DOCK6: variants seen among roughly 807,000 people sequenced by gnomAD.
The protein encoded by DOCK6 is dedicator of cytokinesis 6, also known as dedicator of cytokinesis protein 6.
DOCK6 carries 167 observed loss-of-function variants against 230.3 expected under a neutral mutation model. The observed-to-expected ratio is 0.73, with a 90% CI of 0.64 to 0.82. The LOEUF (loss-of-function observed/expected upper bound fraction) is 0.82, where lower values mean the gene tolerates loss of function less well. DOCK6 is among the 40% of genes least tolerant of loss of function. The pLI is 0.00. For synonymous variants in DOCK6, 1,148 were observed against 1,185.0 expected (o/e 0.97, Z 0.64); for missense variants, 2,598 against 2,825.8 (o/e 0.92, Z 1.83).
intron 5 of DOCK6, 104 bp downstream of exon 5, chr19:11,252,015 G>A: frequency 5.3e-6 from 8 of 1,518,218 alleles, no homozygotes; most frequent in Non-Finnish European, 7.1e-6. Flanking sequence ...AATTCCTTTT[G>A]AGCTCAAGGC....
At chr19:11,253,981 C>T (rs887658225) in intron 1 of DOCK6, 3 of 383,482 alleles carry the variant, frequency 7.8e-6, no homozygotes, top group East Asian at 4.8e-5. Context: ...CTTCCCCTCC[C>T]GGCTGGGCCT....
intron 8 of DOCK6, 22 bp from the exon 9 acceptor site, chr19:11,245,734 G>A (rs753559433): frequency 1.2e-6 from 2 of 1,604,602 alleles, no homozygotes; most frequent in Non-Finnish European, 8.5e-7. Context: ...AGAGGCAGCT[G>A]GGCCACCACC....
At chr19:11,259,187 G>A (rs1307021749) in intron 1 of DOCK6, among the ~76,000 whole-genome samples, 1 of 152,050 alleles carries the variant, frequency 6.6e-6, no homozygotes, top group African/African-American at 2.4e-5. Context: ...CAGGAGCTGG[G>A]ACTACAGGTA....
chr19:11,215,529 T>A (rs1196010061), intron 31 of DOCK6, 58 bp from the exon 32 acceptor site: 44 of 1,509,176 alleles, frequency 2.9e-5, no homozygotes, highest in Admixed American at 5.4e-5. Context: ...CACGTGAACA[T>A]CAGGAGAAAT....
intron 31 of DOCK6, 105 bp downstream of exon 31, chr19:11,215,696 G>GT (rs1378730427): frequency 1.3e-6 from 2 of 1,570,238 alleles, no homozygotes; most frequent in East Asian, 4.5e-5. Flanking sequence ...TCCAGGAAAA[G>GT]TGAGGCAGAA....
chr19:11,246,070 G>GT (rs1491334114), intron 7 of DOCK6, among the ~76,000 whole-genome samples, 192 bp from the exon 8 acceptor site: 6 of 151,312 alleles, frequency 4.0e-5, no homozygotes, highest in African/African-American at 1.5e-4. Flanking sequence ...GTTTTTTGTT[G>GT]GTTTTTTTTT....
In DOCK6 at chr19:11,200,725, A is replaced by C. The variant is rs757153964; in HGVS notation, c.5930T>G (p.Phe1977Cys). Residue 1977 changes from phenylalanine to cysteine, a missense_variant, in exon 46 of 48, where the codon TTC (phenylalanine) becomes TGC (cysteine). By Grantham distance (205) the Phe-to-Cys change is radical (BLOSUM62 -2). Coordinates refer to ENST00000294618, the MANE Select transcript of DOCK6 (RefSeq NM_020812.4). The surrounding 1 kb of genome is among the most constrained non-coding windows in gnomAD (Gnocchi z 4.3). ...HNKLRLCFKDFCKKCEDALRK... is the reference protein window; with the variant it reads ...HNKLRLCFKDCCKKCEDALRK... ...GGGGTTTTGCGCCTACTTCTTGCAG[A>C]AGTCCTTGAAGCAGAGCCGCAATTT... The C allele has an allele frequency of 6.2e-7, 1 of 1,612,896 alleles. No homozygotes were observed. The highest frequency in any genetic ancestry group is 1.7e-5 in the Admixed American group (1 of 59,918).
chr19:11,254,258 G>A (rs2080166361), intron 1 of DOCK6, among the ~76,000 whole-genome samples: 1 of 152,254 alleles, frequency 6.6e-6, no homozygotes, highest in South Asian at 2.1e-4. Context: ...TGAAGTCACA[G>A]AGATCCTGAG....
intron 1 of DOCK6, among the ~76,000 whole-genome samples, chr19:11,254,673 C>CT (rs1278421085): frequency 6.7e-6 from 1 of 150,262 alleles, no homozygotes; most frequent in African/African-American, 2.5e-5. Flanking sequence ...CAGAGCAAGA[C>CT]TTTGTCTCGA....
Position 11,245,827 on chromosome 19 carries a change from C to T in DOCK6, c.858G>A (p.Val286=). 3 of 1,573,502 alleles carry T rather than the reference C, an allele frequency of 1.9e-6. No homozygotes were observed. The highest frequency in any genetic ancestry group is 2.6e-6 in the Non-Finnish European group (3 of 1,159,056). ...PIFGILALYD[V]REKKKISENF... is the part of the protein sequence containing the mutation. ...GGCCTCCTACCTTCTTTTTCTCCCG[C>T]ACATCATACAGAGCCAAGATCCCAA... Residue 286 remains valine, a synonymous_variant, in exon 8 of 48, where the codon GTG becomes GTA. Transcript: ENST00000294618.
In DOCK6 at chr19:11,238,321, G is replaced by A; in HGVS notation, c.1644-17C>T. On this transcript the variant is annotated splice_polypyrimidine_tract_variant and intron_variant, in intron 14 of 47. Coordinates refer to ENST00000294618, the MANE Select transcript of DOCK6 (RefSeq NM_020812.4). ...AGCAGGTTCCTGTGGGGGGCAGGAT[G>A]GGGGTGTCAGAGGGACAGGGGCCCT... 3.8e-6 allele frequency: 6 copies of A among 1,588,466 alleles called. No individual in the cohort carries two copies. Among genetic ancestry groups the A allele is most frequent in the Non-Finnish European group, 5.1e-6 (6 of 1,168,338 alleles).
At chr19:11,258,366 A>G (rs769995529) in intron 1 of DOCK6, among the ~76,000 whole-genome samples, 3 of 151,804 alleles carry the variant, frequency 2.0e-5, no homozygotes, top group Non-Finnish European at 4.4e-5. Flanking sequence ...CCAAGTGGCC[A>G]TTTCCTCATT....
chr19:11,234,786 G>A (rs2079821351), intron 21 of DOCK6, among the ~76,000 whole-genome samples: 1 of 152,132 alleles, frequency 6.6e-6, no homozygotes, highest in African/African-American at 2.4e-5. Flanking sequence ...TCGTTTTCCA[G>A]CCAAGCACAC....
chr19:11,225,639 C>T (rs1448250238), intron 24 of DOCK6, among the ~76,000 whole-genome samples: 15 of 151,928 alleles, frequency 9.9e-5, no homozygotes, highest in Non-Finnish European at 2.2e-4. Context: ...CTACAGTGAG[C>T]CATGATCACA....
chr19:11,230,106 G>A (rs1216897766), intron 22 of DOCK6, among the ~76,000 whole-genome samples: 1 of 151,392 alleles, frequency 6.6e-6, no homozygotes, highest in East Asian at 1.9e-4. Flanking sequence ...GGCCGAGGCA[G>A]GTAGATCACG....
At chr19:11,241,751 C>A in intron 14 of DOCK6, 1 of 1,552,984 alleles carries the variant, frequency 6.4e-7, no homozygotes, top group Non-Finnish European at 8.7e-7. Flanking sequence ...CCCGTGAGGC[C>A]CCTGTGCAGG....
At chr19:11,232,297 T>C in intron 22 of DOCK6, 3 of 1,289,210 alleles carry the variant, frequency 2.3e-6, no homozygotes, top group Non-Finnish European at 3.0e-6. Flanking sequence ...GCCCTGGAGA[T>C]ACACGGAGAA....
Position 11,245,544 on chromosome 19 carries a change from G to C in DOCK6, c.1023+19C>G, listed in dbSNP as rs1361952649. On this transcript the variant is annotated intron_variant, in intron 9 of 47. Transcript: ENST00000294618. ...TGACATTCGCCATTACCACCCCCTT[G>C]CCCAGCCCCAGCAGGCACCTTGATG... 2.6e-6 allele frequency: 4 copies of C among 1,549,870 alleles called. 1 individual carries two copies. In the Admixed American group the frequency reaches 7.8e-5, roughly 30 times the overall value.
In DOCK6 at chr19:11,201,824, T is replaced by G; in HGVS notation, c.5688+65A>C. On this transcript the variant is annotated intron_variant, in intron 44 of 47. Coordinates refer to ENST00000294618, the MANE Select transcript of DOCK6 (RefSeq NM_020812.4). This position sits in a 1 kb window ranked among gnomAD's most constrained non-coding sequence, Gnocchi z 4.3. Reference sequence around the variant, plus strand: ...CTGGGTCCCTGTGTCTACCCTCCCCTCCCCTCCCAGGGTCTGATGTCCCCT... The same window carrying G: ...CTGGGTCCCTGTGTCTACCCTCCCCGCCCCTCCCAGGGTCTGATGTCCCCT... 1.3e-5 allele frequency: 9 copies of G among 707,670 alleles called. No individual in the cohort carries two copies. The highest frequency in any genetic ancestry group is 1.1e-5 in the Non-Finnish European group (5 of 450,072). The allele number at this position is 707,670 out of a possible 1,614,324, so 43.8% of individuals were successfully genotyped here.
Sources: gnomAD v4.1 joint callset for allele counts (sites outside exome capture counted in the v4.1 genomes callset) on GRCh38, gnomAD v4.1.1 for gene constraint, Gnocchi (gnomAD v3.1) non-coding constraint, MANE v1.5 for transcripts, NCBI Gene and HGNC (gene_info 2026-07-23, HGNC 2026-07-21) for gene names.